Variants in SLC25A33 observed in about 807,000 individuals in gnomAD.
SLC25A33 encodes bone marrow stromal cell mitochondrial carrier protein.
In SLC25A33, 15 loss-of-function variants were observed where a neutral mutation model predicts 35.5. That is an observed-to-expected ratio of 0.42 (90% CI 0.28 to 0.65). The LOEUF is 0.65. Ranked by LOEUF, SLC25A33 falls within the 30% of genes least tolerant of loss-of-function variation. SLC25A33 has a pLI of 0.20. For synonymous variants in SLC25A33, 136 were observed against 148.7 expected (o/e 0.91, Z 0.62); for missense variants, 257 against 398.5 (o/e 0.64, Z 3.02).
At chr1:9,551,285 A>G (rs889978686) in intron 1 of SLC25A33, among the ~76,000 whole-genome samples, 1 of 152,120 alleles carries the variant, frequency 6.6e-6, no homozygotes, top group Non-Finnish European at 1.5e-5. Context: ...AGGCATGACA[A>G]TTGCTTGAAT....
At chr1:9,577,420 A>G (rs898402397) in intron 5 of SLC25A33, among the ~76,000 whole-genome samples, 4 of 152,160 alleles carry the variant, frequency 2.6e-5, no homozygotes, top group Non-Finnish European at 5.9e-5. Context: ...TTGAGGTTGC[A>G]GCTGAGATTG....
intron 3 of SLC25A33, among the ~76,000 whole-genome samples, chr1:9,568,854 A>AC (rs1643549137): frequency 6.6e-6 from 1 of 151,758 alleles, no homozygotes; most frequent in Non-Finnish European, 1.5e-5. Context: ...TCAAAAAAAA[A>AC]AAGAGAAAAT....
chr1:9,570,147 C>T lies in SLC25A33; in HGVS notation c.315-111C>T, dbSNP rs1643568072. 1.2e-5 allele frequency: 11 copies of T among 881,384 alleles called. No homozygotes were observed. In the Admixed American group the frequency reaches 1.4e-4, roughly 11 times the overall value. The allele number at this position is 881,384 out of a possible 1,614,324, so 54.6% of individuals were successfully genotyped here. ...ACAGGCGAGGACAAGCTTTTTAGTA[C>T]ATGGCAGCATCTTTCCCATTTTATT... On this transcript the variant is annotated intron_variant, in intron 3 of 6. Transcript: ENST00000302692.
intron 2 of SLC25A33, among the ~76,000 whole-genome samples, chr1:9,554,625 C>T (rs1643315563): frequency 6.6e-6 from 1 of 152,166 alleles, no homozygotes; most frequent in Admixed American, 6.6e-5. Flanking sequence ...TCCCAAAGTG[C>T]TGGGATTACA....
chr1:9,558,019 G>A (rs544102214), intron 2 of SLC25A33, among the ~76,000 whole-genome samples: 23 of 152,286 alleles, frequency 1.5e-4, no homozygotes, highest in South Asian at 6.2e-4. Context: ...CTCCTTTTAC[G>A]TGGTAGTATT....
intron 2 of SLC25A33, among the ~76,000 whole-genome samples, chr1:9,566,795 G>A (rs915294465): frequency 6.6e-6 from 1 of 152,114 alleles, no homozygotes; most frequent in Non-Finnish European, 1.5e-5. Flanking sequence ...GCAGTGAGCC[G>A]AGATCACGCC....
chr1:9,553,230 G>GTTTTTTTTTTTTT (rs1340250968), intron 1 of SLC25A33, among the ~76,000 whole-genome samples: 9 of 91,230 alleles, frequency 9.9e-5, no homozygotes, highest in East Asian at 3.5e-4. Flanking sequence ...TTTTTTTTGG[G>GTTTTTTTTTTTTT]TTTTTTTTTT....
intron 4 of SLC25A33, 69 bp from the exon 5 acceptor site, chr1:9,573,272 TATATG>T: frequency 9.2e-7 from 1 of 1,083,642 alleles, no homozygotes; most frequent in Non-Finnish European, 1.3e-6. Context: ...CAAAGTTTAT[TATATG>T]ATAATAGACA....
chr1:9,548,131 C>T (rs1643208417), intron 1 of SLC25A33, among the ~76,000 whole-genome samples: 1 of 152,130 alleles, frequency 6.6e-6, no homozygotes, highest in Admixed American at 6.6e-5. Flanking sequence ...CTGCCTTGGC[C>T]TCCCAAAGTG....
At position 9,578,278 on chromosome 1, in the gene SLC25A33, G is replaced by T. The variant is rs1027100029; in HGVS notation, c.483-1676G>T. ...GATTTGTGTTAGAAAGGTCACTGCC[G>T]CTAAGGAGCGGGAACAGTCTATGCG... On this transcript the variant is annotated intron_variant, in intron 5 of 6. Transcript: ENST00000302692. This position sits in a 1 kb window ranked among gnomAD's most constrained non-coding sequence, Gnocchi z 4.3. 2.6e-5 allele frequency among the ~76,000 whole-genome samples: 4 copies of T among 152,122 alleles called. No homozygotes were observed. Among genetic ancestry groups the T allele is most frequent in the Admixed American group, 1.3e-4 (2 of 15,262 alleles).
chr1:9,580,919 A>G (rs1363939673), intron 6 of SLC25A33, among the ~76,000 whole-genome samples: 3 of 150,930 alleles, frequency 2.0e-5, no homozygotes, highest in East Asian at 1.9e-4. Flanking sequence ...TTTCTAATGG[A>G]GCCTTAAGGC....
chr1:9,580,328 G>T (rs370635326), intron 6 of SLC25A33, 94 bp downstream of exon 6: 4 of 1,482,136 alleles, frequency 2.7e-6, no homozygotes, highest in South Asian at 1.3e-5. Context: ...ACATTGAGGC[G>T]CAGGATCCCT....
At chr1:9,545,564 AT>A (rs1333010330) in intron 1 of SLC25A33, among the ~76,000 whole-genome samples, 13 of 148,052 alleles carry the variant, frequency 8.8e-5, no homozygotes, top group Admixed American at 1.3e-4. Context: ...CGCCTGGCTA[AT>A]TTTTTTTTTG....
chr1:9,564,765 T>TATATATATATAC (rs59741987), intron 2 of SLC25A33, among the ~76,000 whole-genome samples: 2,298 of 114,078 alleles, frequency 0.02, 75 homozygotes, highest in Non-Finnish European at 0.032. Context: ...TATATATATA[T>TATATATATATAC]ACACAAAAAT....
At chr1:9,550,012 T>TATATATATATATATATACATATATATATA (rs55887722) in intron 1 of SLC25A33, among the ~76,000 whole-genome samples, 1 of 33,844 alleles carries the variant, frequency 3.0e-5, no homozygotes, top group African/African-American at 8.7e-5. Flanking sequence ...TATATATATA[T>TATATATATATATATATACATATATATATA]TTTTTTTTTT....
chr1:9,566,132 C>T (rs953307307), intron 2 of SLC25A33, among the ~76,000 whole-genome samples: 4 of 151,986 alleles, frequency 2.6e-5, no homozygotes, highest in African/African-American at 9.7e-5. Context: ...CTTGACCTCC[C>T]AGGCTAAGTG....
At chr1:9,572,534 C>T (rs908649298) in intron 4 of SLC25A33, among the ~76,000 whole-genome samples, 2 of 151,944 alleles carry the variant, frequency 1.3e-5, no homozygotes, top group African/African-American at 2.4e-5. Flanking sequence ...AGGTGAATGG[C>T]GTCAACCCGG....
Position 9,578,281 on chromosome 1 carries a change from A to G in SLC25A33, c.483-1673A>G, listed in dbSNP as rs184457459. ...TTGTGTTAGAAAGGTCACTGCCGCT[A>G]AGGAGCGGGAACAGTCTATGCGGAG... is the stretch of plus-strand genomic sequence containing the variant. On this transcript the variant is annotated intron_variant, in intron 5 of 6. Coordinates refer to ENST00000302692, the MANE Select transcript of SLC25A33 (RefSeq NM_032315.3). The surrounding 1 kb of genome is among the most constrained non-coding windows in gnomAD (Gnocchi z 4.3). Among the ~76,000 whole-genome samples, 4 of 152,258 alleles carry G rather than the reference A, an allele frequency of 2.6e-5. No homozygotes were observed. Among genetic ancestry groups the G allele is most frequent in the Admixed American group, 1.3e-4 (2 of 15,294 alleles).
chr1:9,565,155 A>G (rs1643483467), intron 2 of SLC25A33, among the ~76,000 whole-genome samples: 1 of 152,126 alleles, frequency 6.6e-6, no homozygotes, highest in South Asian at 2.1e-4. Context: ...GAAAAGATGA[A>G]AAGGTTCTGG....
Sources: allele counts gnomAD v4.1 joint callset (sites outside exome capture counted in the v4.1 genomes callset), GRCh38; gene constraint gnomAD v4.1.1; non-coding constraint Gnocchi (gnomAD v3.1); transcripts MANE v1.5; gene names NCBI Gene and HGNC (gene_info 2026-07-23, HGNC 2026-07-21).